Variants in EHD3 observed in about 807,000 individuals in gnomAD.
EHD3 encodes EH domain-containing protein 3.
Under a neutral mutation model 43.0 loss-of-function variants are expected in EHD3, and 17 were observed. That is an observed-to-expected ratio of 0.40 (90% CI 0.27 to 0.59). The LOEUF (loss-of-function observed/expected upper bound fraction) is 0.59, where lower values mean the gene tolerates loss of function less well. EHD3 is among the 20% of genes least tolerant of loss of function. EHD3 has a pLI of 0.49. For synonymous variants in EHD3, 313 were observed against 289.5 expected (o/e 1.08, Z -0.82); for missense variants, 594 against 705.6 (o/e 0.84, Z 1.79).
At chr2:31,238,378 T>A (rs1295558912) in intron 1 of EHD3, among the ~76,000 whole-genome samples, 3 of 152,238 alleles carry the variant, frequency 2.0e-5, no homozygotes, top group African/African-American at 7.2e-5. Flanking sequence ...TCCATCCACT[T>A]TCAGTAATAT....
intron 1 of EHD3, among the ~76,000 whole-genome samples, chr2:31,241,324 G>A (rs1371398543): frequency 6.6e-6 from 1 of 152,168 alleles, no homozygotes; most frequent in Non-Finnish European, 1.5e-5. Context: ...GGTCAAGGCA[G>A]GAAAGGTGAG....
chr2:31,256,024 AC>A, intron 3 of EHD3, among the ~76,000 whole-genome samples: 1 of 152,194 alleles, frequency 6.6e-6, no homozygotes, highest in East Asian at 1.9e-4. Flanking sequence ...AGAATTGTGA[AC>A]CGAGAAAGGA....
chr2:31,250,415 C>T (rs1406808758), intron 3 of EHD3, among the ~76,000 whole-genome samples: 1 of 151,918 alleles, frequency 6.6e-6, no homozygotes, highest in African/African-American at 2.4e-5. Flanking sequence ...TACAGGCGTG[C>T]ACCACCACAC....
intron 3 of EHD3, among the ~76,000 whole-genome samples, chr2:31,254,621 G>A (rs938017578): frequency 3.3e-5 from 5 of 152,200 alleles, no homozygotes; most frequent in South Asian, 2.1e-4. Context: ...AAATCTTGAC[G>A]GAGATTTTTT....
rs1329466014 is a variant in EHD3 at position 31,249,457 on chromosome 2, G to A, written c.491G>A (p.Arg164Lys). The A allele has an allele frequency of 6.2e-7, 1 of 1,614,008 alleles. No homozygotes were observed. Among genetic ancestry groups the A allele is most frequent in the Non-Finnish European group, 8.5e-7 (1 of 1,180,004 alleles). ...TPGILSGEKQ[R>K]ISRGYDFAAV... is the part of the protein sequence containing the mutation. ...GGGATCCTCTCTGGGGAGAAGCAGA[G>A]GATCAGCCGGGGTAAGCAACCTGCC... The change falls in exon 3 of 6, where the codon AGG (arginine) becomes AAG (lysine). Residue 164 changes from arginine (R) to lysine (K), a missense_variant. Around this residue, in one of 3 missense-constraint regions of EHD3, gnomAD observed 243 missense variants for 296.7 expected, o/e 0.82. Coordinates refer to ENST00000322054, the MANE Select transcript of EHD3 (RefSeq NM_014600.3).
At chr2:31,245,057 C>CT (rs1683492664) in intron 2 of EHD3, among the ~76,000 whole-genome samples, 1 of 152,228 alleles carries the variant, frequency 6.6e-6, no homozygotes, top group Admixed American at 6.5e-5. Flanking sequence ...ATTAATTATT[C>CT]TGTTTAACCA....
chr2:31,235,026 C>G (rs1683297965), intron 1 of EHD3, among the ~76,000 whole-genome samples, 178 bp downstream of exon 1: 1 of 152,112 alleles, frequency 6.6e-6, no homozygotes, highest in Non-Finnish European at 1.5e-5. Flanking sequence ...GCTGGTCCCC[C>G]TTCCCATCCT....
At chr2:31,250,987 T>G (rs568949124) in intron 3 of EHD3, among the ~76,000 whole-genome samples, 32 of 152,266 alleles carry the variant, frequency 2.1e-4, no homozygotes, top group African/African-American at 7.7e-4. Flanking sequence ...CCCAGAAACC[T>G]TTGCTCTTTC....
chr2:31,245,040 C>T (rs1683492419), intron 2 of EHD3, among the ~76,000 whole-genome samples: 1 of 152,216 alleles, frequency 6.6e-6, no homozygotes, highest in Admixed American at 6.5e-5. Flanking sequence ...CTAATCTGGG[C>T]CTTCACATTA....
rs574963333 is a variant in EHD3 at position 31,247,032 on chromosome 2, G to T, written c.405-2339G>T. On this transcript the variant is annotated intron_variant, in intron 2 of 5. Transcript: ENST00000322054. ...CCGCCTCAGCCTCCTGAATAGCTGG[G>T]GTTACAGGCATGCGCCACCACGCCT... 5.3e-4 allele frequency among the ~76,000 whole-genome samples: 80 copies of T among 152,166 alleles called. 1 individual carries two copies. Among genetic ancestry groups the T allele is most frequent in the African/African-American group, 1.7e-3 (71 of 41,518 alleles).
In EHD3 at chr2:31,244,413, A is replaced by G. The variant is rs772612135; in HGVS notation, c.367A>G (p.Arg123Gly). 3.1e-6 allele frequency: 5 copies of G among 1,614,180 alleles called. No individual in the cohort carries two copies. Among genetic ancestry groups the G allele is most frequent in the Non-Finnish European group, 4.2e-6 (5 of 1,180,032 alleles). Residue 123 changes from arginine to glycine, a missense_variant, in exon 2 of 6, where the codon AGG (arginine) becomes GGG (glycine). Transcript: ENST00000322054. The part of the protein sequence containing the change: ...ALVVDPKKPF[R>G]KLNAFGNAFL... ...GGTGGTGGATCCCAAGAAACCCTTCAGGAAACTCAACGCCTTTGGCAACGC... is the reference window on the plus strand; with the variant it reads ...GGTGGTGGATCCCAAGAAACCCTTCGGGAAACTCAACGCCTTTGGCAACGC...
chr2:31,244,554 A>G, intron 2 of EHD3, 104 bp downstream of exon 2: 1 of 1,263,568 alleles, frequency 7.9e-7, no homozygotes, highest in Non-Finnish European at 1.1e-6. Context: ...TGGTGCCTAG[A>G]GTCTCCTGTC....
chr2:31,266,475 G>A lies in EHD3; in HGVS notation c.1379G>A (p.Gly460Asp). The A allele has an allele frequency of 2.5e-6, 4 of 1,614,166 alleles. No homozygotes were observed. The highest frequency in any genetic ancestry group is 2.5e-6 in the Non-Finnish European group (3 of 1,180,034). ...TTCTACACCCTGTCACCGGTGGATG[G>A]CAAGATCACAGGCGCTAATGCCAAG... ...EIFYTLSPVD[G>D]KITGANAKKE... Residue 460 changes from glycine to aspartate, a missense_variant, in exon 6 of 6, where the codon GGC (glycine) becomes GAC (aspartate). By Grantham distance (94) the Gly-to-Asp change is moderately conservative. Coordinates refer to ENST00000322054, the MANE Select transcript of EHD3 (RefSeq NM_014600.3). The surrounding 1 kb of genome is among the most constrained non-coding windows in gnomAD (Gnocchi z 5.1).
At chr2:31,241,721 C>A (rs1683428495) in intron 1 of EHD3, among the ~76,000 whole-genome samples, 1 of 152,166 alleles carries the variant, frequency 6.6e-6, no homozygotes, top group African/African-American at 2.4e-5. Flanking sequence ...TTAAGTACCC[C>A]CTGAAGAGCA....
In EHD3 at chr2:31,268,133, T is replaced by C. The variant is rs1053887574; in HGVS notation, c.*1429T>C. On this transcript the variant is annotated 3_prime_UTR_variant, in exon 6 of 6. Coordinates refer to ENST00000322054, the MANE Select transcript of EHD3 (RefSeq NM_014600.3). ...TTCCCCAGAGGGTCCCCAGGGACTC[T>C]GCAGTGTCCTTGGCAAATCCCCACT... 3 of 152,698 alleles carry C rather than the reference T, an allele frequency of 2.0e-5. No homozygotes were observed. The highest frequency in any genetic ancestry group is 6.5e-5 in the Admixed American group (1 of 15,290). The allele number at this position is 152,698 out of a possible 1,614,324, so 9.5% of individuals were successfully genotyped here. A position where few individuals can be genotyped will look rare whatever the true frequency, so the allele number is the denominator to read the frequency against.
Position 31,269,134 on chromosome 2 carries a change from T to C in EHD3, c.*2430T>C, listed in dbSNP as rs1684007020. On this transcript the variant is annotated 3_prime_UTR_variant, in exon 6 of 6. Coordinates refer to ENST00000322054, the MANE Select transcript of EHD3 (RefSeq NM_014600.3). ...GGCTTCAGGGGCCTGGGAGATCTCA[T>C]GCCTCAGCCCAGGAAACATTTAATA... The C allele has an allele frequency of 6.6e-6, 1 of 152,226 alleles. No individual in the cohort carries two copies. The highest frequency in any genetic ancestry group is 2.1e-4 in the South Asian group (1 of 4,828). The allele number at this position is 152,226 out of a possible 1,614,324, so 9.4% of individuals were successfully genotyped here.
At chr2:31,244,887 C>G (rs983896712) in intron 2 of EHD3, among the ~76,000 whole-genome samples, 1 of 152,138 alleles carries the variant, frequency 6.6e-6, no homozygotes, top group Non-Finnish European at 1.5e-5. Flanking sequence ...AGAGGGAAGC[C>G]TTGGGTTTGA....
At chr2:31,259,360 A>G (rs745835308) in intron 3 of EHD3, among the ~76,000 whole-genome samples, 6 of 152,030 alleles carry the variant, frequency 3.9e-5, no homozygotes, top group South Asian at 4.2e-4. Flanking sequence ...TTGTCTTCCT[A>G]TTTTATGTAA....
chr2:31,267,063 C>T lies in EHD3; in HGVS notation c.*359C>T, dbSNP rs866132267. 1.3e-5 allele frequency: 3 copies of T among 238,920 alleles called. No individual in the cohort carries two copies. The South Asian group carries it at 4.5e-4, about 36-fold the overall frequency. 14.8% of individuals were successfully genotyped at this position (238,920 alleles called of 1,614,324 possible). On this transcript the variant is annotated 3_prime_UTR_variant, in exon 6 of 6. Transcript: ENST00000322054. ...CTCCAGATTCCCCAGTGCTTCCACA[C>T]CCGGGCTCTGAGCAAATGGAAAAGA...
Sources: allele counts gnomAD v4.1 joint callset (sites outside exome capture counted in the v4.1 genomes callset), GRCh38; gene constraint gnomAD v4.1.1; regional missense constraint gnomAD v4.1.1; non-coding constraint Gnocchi (gnomAD v3.1); transcripts MANE v1.5; gene names NCBI Gene and HGNC (gene_info 2026-07-23, HGNC 2026-07-21).